CELA3B: variants seen among roughly 807,000 people sequenced by gnomAD.
CELA3B encodes chymotrypsin-like elastase family member 3B.
CELA3B carries 34 observed loss-of-function variants against 37.2 expected under a neutral mutation model. That is an observed-to-expected ratio of 0.91 (90% CI 0.70 to 1.22). The LOEUF is 1.22. Among genes scored for constraint, CELA3B ranks in the 50% most tolerant of loss-of-function variants. The pLI is 0.00. For synonymous variants in CELA3B, 127 were observed against 143.5 expected (o/e 0.89, Z 0.82); for missense variants, 340 against 363.1 (o/e 0.94, Z 0.52).
In CELA3B at chr1:21,979,443, CTTTTCTTTTCTTT is replaced by C. The variant is rs1393141353; in HGVS notation, c.129+994_129+1006del. Among the ~76,000 whole-genome samples the C allele has an allele frequency of 2.9e-3, 308 of 106,472 alleles. 2 individuals carry two copies. The highest frequency in any genetic ancestry group is 8.6e-3 in the African/African-American group (255 of 29,732). 69.8% of individuals were successfully genotyped at this position (106,472 alleles called of 152,430 possible). A position where few individuals can be genotyped will look rare whatever the true frequency, so the allele number is the denominator to read the frequency against. On this transcript the variant is annotated intron_variant, in intron 2 of 7. Coordinates refer to ENST00000337107, the MANE Select transcript of CELA3B (RefSeq NM_007352.4). ...CTTGCCATATTTCTTTTTTTCTTTT[CTTTTCTTTTCTTT>C]TTTTTTTTTTTTTTGAGACAGGGTC...
chr1:21,984,153 C>G, intron 5 of CELA3B, 36 bp from the exon 6 acceptor site: 1 of 1,600,710 alleles, frequency 6.2e-7, no homozygotes, highest in South Asian at 1.1e-5. Flanking sequence ...GCCCTGTGCC[C>G]CCAGACCCCT....
intron 6 of CELA3B, among the ~76,000 whole-genome samples, chr1:21,986,226 G>T (rs1418301287): frequency 6.6e-6 from 1 of 151,590 alleles, no homozygotes; most frequent in Non-Finnish European, 1.5e-5. Flanking sequence ...AAAATTAGCT[G>T]GGTGTGGTGG....
downstream of CELA3B, among the ~76,000 whole-genome samples, chr1:21,992,051 C>T (rs537840842): frequency 3.3e-5 from 5 of 150,526 alleles, no homozygotes; most frequent in African/African-American, 7.4e-5. Context: ...AACTGGGAGG[C>T]AGATGTTGCA....
chr1:21,979,743 C>T (rs138872554), intron 2 of CELA3B, among the ~76,000 whole-genome samples: 11,927 of 151,124 alleles, frequency 0.079, 530 homozygotes, highest in East Asian at 0.12. Flanking sequence ...CGTGAGCCAC[C>T]ATGCTTGGCC....
In CELA3B at chr1:21,981,112, C is replaced by G. The variant is rs757145877; in HGVS notation, c.302C>G (p.Pro101Arg). 7.4e-6 allele frequency: 12 copies of G among 1,613,256 alleles called. No individual in the cohort carries two copies. The highest frequency in any genetic ancestry group is 6.7e-5 in the Admixed American group (4 of 60,000). Residue 101 changes from proline (P) to arginine (R), a missense_variant, in exon 4 of 8, where the codon CCC becomes CGC. Coordinates refer to ENST00000337107, the MANE Select transcript of CELA3B (RefSeq NM_007352.4). ...AVKEGPEQVI[P>R]INSGDLFVHP... ...AAGGAGGGCCCCGAGCAGGTGATCC[C>G]CATCAACTCTGGGGACCTCTTTGTG...
chr1:21,981,039 A>G lies in CELA3B; in HGVS notation c.229A>G (p.Ser77Gly). ...GACTGACCTCACCTCCGCCCGCAGG[A>G]GCTCCCGGACCTACCAGGTGGTGTT... Reference protein sequence around the residue: ...WVVTAGHCISSSRTYQVVLGE... With the variant: ...WVVTAGHCISGSRTYQVVLGE... The change falls in exon 4 of 8, where the codon AGC becomes GGC. Residue 77 changes from serine to glycine, a missense_variant and splice_region_variant. Physicochemically the swap from Ser to Gly is moderately conservative, Grantham distance 56. Transcript: ENST00000337107. 1 of 1,614,036 alleles carries G rather than the reference A, an allele frequency of 6.2e-7. No individual in the cohort carries two copies. Among genetic ancestry groups the G allele is most frequent in the African/African-American group, 1.3e-5 (1 of 75,020 alleles).
chr1:21,982,713 T>C (rs979499395), intron 4 of CELA3B, among the ~76,000 whole-genome samples: 4 of 152,122 alleles, frequency 2.6e-5, no homozygotes, highest in African/African-American at 4.8e-5. Context: ...AGTCTCGCTC[T>C]GTCACCCAGG....
Position 21,984,198 on chromosome 1 carries a change from C to T in CELA3B, c.509C>T (p.Pro170Leu), listed in dbSNP as rs1644824064. Residue 170 changes from proline (P) to leucine (L), a missense_variant, in exon 6 of 8, where the codon CCA becomes CTA. Pro to Leu is a moderately conservative substitution (Grantham distance 98). Transcript: ENST00000337107. ...CTTTTTATCGCTGCAGCCAACGGGCCACTCCCAGACAAGCTGCAGGAGGCC... is the reference window on the plus strand; with the variant it reads ...CTTTTTATCGCTGCAGCCAACGGGCTACTCCCAGACAAGCTGCAGGAGGCC... ...TGWGRLYTNGPLPDKLQEALL... is the reference protein window; with the variant it reads ...TGWGRLYTNGLLPDKLQEALL... The T allele has an allele frequency of 2.5e-6, 4 of 1,613,452 alleles. No homozygotes were observed. Among genetic ancestry groups the T allele is most frequent in the African/African-American group, 1.3e-5 (1 of 74,932 alleles).
At chr1:21,991,486 C>T (rs141740713), downstream of CELA3B, among the ~76,000 whole-genome samples, 1 of 150,698 alleles carries the variant, frequency 6.6e-6, no homozygotes, top group African/African-American at 2.5e-5. Context: ...CAGGCGCATG[C>T]CACCACGCTC....
At chr1:21,988,788 G>A (rs1399034951) in intron 7 of CELA3B, among the ~76,000 whole-genome samples, 1 of 151,858 alleles carries the variant, frequency 6.6e-6, no homozygotes, top group African/African-American at 2.4e-5. Context: ...TACTTGGGAG[G>A]CTGAGGCAGG....
At chr1:21,981,010 C>A (rs372368557) in intron 3 of CELA3B, 28 bp from the exon 4 acceptor site, 21 of 1,613,964 alleles carry the variant, frequency 1.3e-5, no homozygotes, top group Admixed American at 3.3e-5. Flanking sequence ...GCCAGTCAGG[C>A]CCAGACTGAC....
chr1:21,984,630 G>A (rs560801318), intron 6 of CELA3B, among the ~76,000 whole-genome samples: 4 of 152,250 alleles, frequency 2.6e-5, no homozygotes, highest in South Asian at 4.1e-4. Context: ...GACCTCCAAC[G>A]CAGGTCAATT....
At chr1:21,977,736 T>C (rs111512189) in intron 1 of CELA3B, among the ~76,000 whole-genome samples, 14,291 of 150,600 alleles carry the variant, frequency 0.095, 776 homozygotes, top group African/African-American at 0.13. Flanking sequence ...ATTTTTTGCT[T>C]TTTTTTTTGT....
chr1:21,981,993 A>G (rs769754785), intron 4 of CELA3B, among the ~76,000 whole-genome samples: 90 of 152,158 alleles, frequency 5.9e-4, no homozygotes, highest in Middle Eastern at 3.4e-3. Flanking sequence ...CCAAAGTGCT[A>G]GGATTACAGG....
chr1:21,986,755 C>T (rs925290542), intron 7 of CELA3B, 72 bp downstream of exon 7: 124 of 1,521,506 alleles, frequency 8.1e-5, no homozygotes, highest in South Asian at 1.2e-4. Flanking sequence ...TGAGAAACAT[C>T]GGATCCTGGG....
At position 21,996,741 on chromosome 1, in the gene CELA3B, C is replaced by G. The variant is rs547353524; in HGVS notation, c.505-1410C>G. Among the ~76,000 whole-genome samples the G allele has an allele frequency of 2.2e-3, 327 of 150,940 alleles. 15 individuals carry two copies. The highest frequency in any genetic ancestry group is 7.8e-3 in the African/African-American group (318 of 40,754). ...CCGTGGGGAAAGGGCTGTGCCTGTCCCCACTGCCATTGCTCAATAACCTCC... is the reference window on the plus strand; with the variant it reads ...CCGTGGGGAAAGGGCTGTGCCTGTCGCCACTGCCATTGCTCAATAACCTCC... On this transcript the variant is annotated intron_variant, in intron 4 of 4. Coordinates refer to the CELA3B transcript ENST00000400277.
downstream of CELA3B, among the ~76,000 whole-genome samples, chr1:21,991,948 C>T (rs1340722669): frequency 4.7e-5 from 7 of 149,822 alleles, no homozygotes; most frequent in East Asian, 1.0e-3. Flanking sequence ...GGTGAAGCCC[C>T]GTCTCTACTA....
intron 7 of CELA3B, among the ~76,000 whole-genome samples, chr1:21,988,664 G>T (rs573022886): frequency 1.3e-5 from 2 of 151,252 alleles, no homozygotes; most frequent in South Asian, 4.2e-4. Context: ...GGCTGAGGTG[G>T]GCAGATCACA....
At position 21,983,835 on chromosome 1, in the gene CELA3B, G is replaced by A. The variant is rs764278621; in HGVS notation, c.499+5G>A. The A allele has an allele frequency of 1.1e-5, 17 of 1,613,624 alleles. No individual in the cohort carries two copies. Among genetic ancestry groups the A allele is most frequent in the Admixed American group, 5.0e-5 (3 of 59,934 alleles). The stretch of plus-strand genomic sequence containing the variant: ...CCGGCTGGGGCCGTCTCTATAGTAC[G>A]TGCTGACTTCTCTAGCTGGCCACAG... On this transcript the variant is annotated splice_donor_5th_base_variant and intron_variant, in intron 5 of 7. Transcript: ENST00000337107.
Sources: gnomAD v4.1 joint callset for allele counts (sites outside exome capture counted in the v4.1 genomes callset) on GRCh38, gnomAD v4.1.1 for gene constraint, MANE v1.5 for transcripts, NCBI Gene and HGNC (gene_info 2026-07-23, HGNC 2026-07-21) for gene names.